Variants in DLGAP2 observed in about 807,000 individuals in gnomAD.
The protein encoded by DLGAP2 is DLG associated protein 2, also known as disks large-associated protein 2.
In DLGAP2, 26 loss-of-function variants were observed where a neutral mutation model predicts 100.3. The observed-to-expected ratio is 0.26, with a 90% CI of 0.19 to 0.36. The LOEUF (loss-of-function observed/expected upper bound fraction) is 0.36. Among genes scored for constraint, DLGAP2 ranks in the 10% least tolerant of loss-of-function variants. DLGAP2 has a pLI of 1.00. For synonymous variants in DLGAP2, 886 were observed against 630.1 expected, an observed-to-expected ratio of 1.41 and a Z score of -6.08; for missense variants, 1,858 against 1,453.2, an observed-to-expected ratio of 1.28 and a Z score of -4.53.
chr8:1,163,590 G>T (rs769599844), intron 2 of DLGAP2, among the ~76,000 whole-genome samples: 1 of 152,232 alleles, frequency 6.6e-6, no homozygotes, highest in Non-Finnish European at 1.5e-5. Context: ...CGTGAGCCAA[G>T]AACGCGGTTG....
chr8:1,037,552 C>T (rs1318042922), intron 2 of DLGAP2, among the ~76,000 whole-genome samples: 4 of 152,228 alleles, frequency 2.6e-5, no homozygotes, highest in South Asian at 2.1e-4. Context: ...TCTGCTGTCC[C>T]TCCCGGCATC....
chr8:1,481,471 C>CTTTTTTTTTTTTT lies in DLGAP2; in HGVS notation c.107-19883_107-19871dup, dbSNP rs1165790168. ...GGATTTTCTTTTTCTTTTTCTTTTT[C>CTTTTTTTTTTTTT]TTTTTTTTTTTTTTTTTTTTTTTTG... is the stretch of plus-strand genomic sequence containing the variant. On this transcript the variant is annotated intron_variant, in intron 3 of 14. Transcript: ENST00000637795. Among the ~76,000 whole-genome samples, 69 of 43,662 alleles carry CTTTTTTTTTTTTT rather than the reference C, an allele frequency of 1.6e-3. 1 individual carries two copies. The highest frequency in any genetic ancestry group is 2.8e-3 in the East Asian group (3 of 1,076). The allele number at this position is 43,662 out of a possible 152,430, so 28.6% of individuals were successfully genotyped here.
chr8:1,194,428 TC>T (rs764704596), intron 2 of DLGAP2, among the ~76,000 whole-genome samples: 12 of 152,246 alleles, frequency 7.9e-5, no homozygotes, highest in Non-Finnish European at 1.2e-4. Flanking sequence ...TGGAGGCTCC[TC>T]CTGCCCAGGG....
chr8:1,146,159 G>C (rs952554467), intron 2 of DLGAP2, among the ~76,000 whole-genome samples: 1 of 152,300 alleles, frequency 6.6e-6, no homozygotes, highest in East Asian at 1.9e-4. Flanking sequence ...GAGGGTGTCA[G>C]CCTCTCCACA....
At chr8:1,350,714 G>A (rs1801698410) in intron 3 of DLGAP2, among the ~76,000 whole-genome samples, 1 of 103,656 alleles carries the variant, frequency 9.6e-6, no homozygotes, top group Admixed American at 1.1e-4. Flanking sequence ...CTGAGTGTGC[G>A]TGGAAAGGCC....
intron 1 of DLGAP2, among the ~76,000 whole-genome samples, chr8:907,081 T>C (rs1295956361): frequency 6.6e-6 from 1 of 152,154 alleles, no homozygotes; most frequent in Non-Finnish European, 1.5e-5. Context: ...AGGGCAAACG[T>C]ATGACTGGTG....
At chr8:1,199,012 A>T (rs1335527070) in intron 2 of DLGAP2, among the ~76,000 whole-genome samples, 2 of 152,244 alleles carry the variant, frequency 1.3e-5, no homozygotes, top group African/African-American at 4.8e-5. Context: ...GCTCCTTAAA[A>T]TGCAGCAGAG....
rs78200243 is a variant in DLGAP2 at position 1,199,127 on chromosome 8, C to G, written c.74-59724C>G. On this transcript the variant is annotated intron_variant, in intron 2 of 14. Transcript: ENST00000637795. ...TAAAGAGTACTTAAACACACATACACACAACAACAACCGCAGCAACAGTCG... is the reference window on the plus strand; with the variant it reads ...TAAAGAGTACTTAAACACACATACAGACAACAACAACCGCAGCAACAGTCG... 5.3e-5 allele frequency among the ~76,000 whole-genome samples: 8 copies of G among 152,346 alleles called. No individual in the cohort carries two copies. The East Asian group carries it at 1.5e-3, about 29-fold the overall frequency.
At chr8:1,073,653 G>A (rs555047370) in intron 2 of DLGAP2, among the ~76,000 whole-genome samples, 1 of 152,208 alleles carries the variant, frequency 6.6e-6, no homozygotes, top group Non-Finnish European at 1.5e-5. Context: ...GCAAAGCCCT[G>A]CACAGAGGAG....
At chr8:1,654,592 C>T (rs1197558042) in intron 8 of DLGAP2, among the ~76,000 whole-genome samples, 3 of 144,940 alleles carry the variant, frequency 2.1e-5, no homozygotes, top group African/African-American at 5.1e-5. Flanking sequence ...ACCCGGGAGG[C>T]GGAGGTTGCA....
intron 3 of DLGAP2, among the ~76,000 whole-genome samples, chr8:1,279,232 C>T (rs1799767345): frequency 6.6e-6 from 1 of 152,110 alleles, no homozygotes; most frequent in South Asian, 2.1e-4. Flanking sequence ...CGCTAAAGTC[C>T]TTGGATTATT....
chr8:1,015,035 G>A (rs1208329558), intron 2 of DLGAP2, among the ~76,000 whole-genome samples: 3 of 7,736 alleles, frequency 3.9e-4, no homozygotes, highest in African/African-American at 8.3e-4. Flanking sequence ...CAGGACAGAC[G>A]GCGCCTCCAC....
chr8:1,163,248 T>C (rs1796926655), intron 2 of DLGAP2, among the ~76,000 whole-genome samples: 1 of 152,118 alleles, frequency 6.6e-6, no homozygotes. Flanking sequence ...CCCAATCGCC[T>C]CCCTCTGGGG....
chr8:1,183,551 GCTGCTGTTA>G (rs1462780954), intron 2 of DLGAP2, among the ~76,000 whole-genome samples: 4 of 152,204 alleles, frequency 2.6e-5, no homozygotes, highest in Non-Finnish European at 5.9e-5. Flanking sequence ...CTATGAGGTA[GCTGCTGTTA>G]GTATCCTCAC....
intron 1 of DLGAP2, among the ~76,000 whole-genome samples, chr8:904,673 G>A (rs554656333): frequency 6.6e-6 from 1 of 152,316 alleles, no homozygotes; most frequent in East Asian, 1.9e-4. Context: ...AGTATTTCGG[G>A]AACACATGTC....
intron 1 of DLGAP2, among the ~76,000 whole-genome samples, chr8:783,268 C>G (rs1483172447): frequency 6.6e-6 from 1 of 152,136 alleles, no homozygotes; most frequent in African/African-American, 2.4e-5. Flanking sequence ...GAATGGTTTG[C>G]CTGCACTCTG....
intron 6 of DLGAP2, among the ~76,000 whole-genome samples, chr8:1,583,749 C>G (rs1285373642): frequency 3.9e-5 from 6 of 152,140 alleles, no homozygotes; most frequent in African/African-American, 1.4e-4. Flanking sequence ...CAAGTCCTGC[C>G]TCTCACATCA....
chr8:1,325,533 C>T (rs1801001868), intron 3 of DLGAP2, among the ~76,000 whole-genome samples: 1 of 152,336 alleles, frequency 6.6e-6, no homozygotes, highest in East Asian at 1.9e-4. Context: ...GCATACATTG[C>T]TAGCTCAGGC....
chr8:1,025,087 C>T (rs977170756), intron 2 of DLGAP2, among the ~76,000 whole-genome samples: 4 of 150,854 alleles, frequency 2.7e-5, no homozygotes, highest in South Asian at 2.1e-4. Flanking sequence ...TGTGTGTGCG[C>T]GTGTATGTGT....
Sources: allele counts gnomAD v4.1 joint callset (sites outside exome capture counted in the v4.1 genomes callset), GRCh38; gene constraint gnomAD v4.1.1; transcripts MANE v1.5; gene names NCBI Gene and HGNC (gene_info 2026-07-23, HGNC 2026-07-21).